The following TET2 variants were observed in gnomAD, a reference collection of about 807,000 sequenced individuals.
TET2 encodes the protein methylcytosine dioxygenase TET2.
TET2 carries 299 observed loss-of-function variants against 142.9 expected under a neutral mutation model. The observed-to-expected ratio is 2.09, with a 90% confidence interval of 1.90 to 2.30. TET2 has a LOEUF of 2.30. Among genes scored for constraint, TET2 ranks in the 30% most tolerant of loss-of-function variants. The pLI is 0.00. For missense variants in TET2, 2,418 were observed against 2,378.0 expected (o/e 1.02, Z -0.35); for synonymous variants, 819 against 849.0 (o/e 0.96, Z 0.61).
intron 2 of TET2, among the ~76,000 whole-genome samples, chr4:105,210,257 C>T (rs1479055717): frequency 6.6e-6 from 1 of 152,098 alleles, no homozygotes; most frequent in Non-Finnish European, 1.5e-5. Context: ...TACTTGAGTT[C>T]ATGGGAATAA....
intron 2 of TET2, among the ~76,000 whole-genome samples, chr4:105,204,260 CACACACACATACAT>C (rs1463055548): frequency 1.3e-4 from 19 of 143,258 alleles, no homozygotes; most frequent in Middle Eastern, 3.3e-3. Flanking sequence ...CACACACACA[CACACACACATACAT>C]ACATACATTA....
chr4:105,192,432 C>T (rs1011841443), intron 2 of TET2, among the ~76,000 whole-genome samples: 6 of 152,022 alleles, frequency 3.9e-5, no homozygotes, highest in African/African-American at 1.4e-4. Context: ...ATTATTTAAC[C>T]TCTGTAAGCC....
chr4:105,275,793 C>T lies in TET2; in HGVS notation c.5283C>T (p.His1761=), dbSNP rs1731188903. The T allele has an allele frequency of 3.2e-6, 5 of 1,551,702 alleles. No homozygotes were observed. Among genetic ancestry groups the T allele is most frequent in the Non-Finnish European group, 3.5e-6 (4 of 1,146,992 alleles). The part of the protein sequence containing the change: ...YKNGEHHSPS[H]IIHNYSAAPG... The stretch of plus-strand genomic sequence containing the variant: ...ATGGTGAACATCATTCACCTTCTCA[C>T]ATAATCCATAACTACAGTGCAGCTC... The change falls in exon 11 of 11, where the codon CAC becomes CAT. Residue 1761 remains histidine (H), a synonymous_variant. Coordinates refer to ENST00000380013, the MANE Select transcript of TET2 (RefSeq NM_001127208.3).
At chr4:105,232,683 G>T (rs1238676982) in intron 2 of TET2, among the ~76,000 whole-genome samples, 2 of 152,202 alleles carry the variant, frequency 1.3e-5, no homozygotes, top group Non-Finnish European at 2.9e-5. Flanking sequence ...TTTATAAGCT[G>T]TTGTTATTGT....
At chr4:105,241,978 T>TATAC in intron 4 of TET2, 1 of 1,241,148 alleles carries the variant, frequency 8.1e-7, no homozygotes. Flanking sequence ...GGTATACAAG[T>TATAC]ACTTGCCTTT....
intron 3 of TET2, chr4:105,237,722 C>T (rs373568745): frequency 1.0e-5 from 13 of 1,244,278 alleles, no homozygotes; most frequent in East Asian, 7.8e-5. Flanking sequence ...GAGAAAATAA[C>T]GACCATAGGC....
At chr4:105,183,001 GTT>G (rs1426795979) in intron 1 of TET2, among the ~76,000 whole-genome samples, 3 of 152,056 alleles carry the variant, frequency 2.0e-5, no homozygotes, top group Admixed American at 2.0e-4. Context: ...GTAAGGTAGG[GTT>G]CATGTATACC....
intron 3 of TET2, chr4:105,237,723 G>A (rs181092307): frequency 7.2e-6 from 9 of 1,245,906 alleles, no homozygotes; most frequent in East Asian, 3.9e-5. Flanking sequence ...AGAAAATAAC[G>A]ACCATAGGCA....
rs755531331 is a variant in TET2 at position 105,237,193 on chromosome 4, AAAC to A, written c.3255_3257del (p.Thr1086del). On this transcript the variant is annotated inframe_deletion, in exon 3 of 11. Coordinates refer to ENST00000380013, the MANE Select transcript of TET2 (RefSeq NM_001127208.3). Reference sequence around the variant, plus strand: ...AGCCACACCCCAGCTTTAGAGCAGCAAACAACTTCTTCAGAAAAGACACCAACC... The same window carrying A: ...AGCCACACCCCAGCTTTAGAGCAGCAAACTTCTTCAGAAAAGACACCAACC... The A allele has an allele frequency of 8.1e-6, 13 of 1,614,068 alleles. No individual in the cohort carries two copies. The highest frequency in any genetic ancestry group is 1.7e-5 in the Admixed American group (1 of 59,998).
In TET2 at chr4:105,234,712, CTAA is replaced by C; in HGVS notation, c.772_774del (p.Asn258del). On this transcript the variant is annotated inframe_deletion, in exon 3 of 11. Coordinates refer to ENST00000380013, the MANE Select transcript of TET2 (RefSeq NM_001127208.3). ...ATAAATGCCATTAACAGTCAGGCTA[CTAA>C]TGAGTTGTCCTGTGAGATCACTCAC... The C allele has an allele frequency of 6.2e-7, 1 of 1,614,088 alleles. No individual in the cohort carries two copies. Among genetic ancestry groups the C allele is most frequent in the Non-Finnish European group, 8.5e-7 (1 of 1,180,022 alleles).
intron 8 of TET2, among the ~76,000 whole-genome samples, chr4:105,263,960 G>A (rs554862744): frequency 6.6e-6 from 1 of 152,272 alleles, no homozygotes; most frequent in African/African-American, 2.4e-5. Flanking sequence ...GGGGCTCTGG[G>A]ATGGGTGCTC....
At chr4:105,248,097 CATCTT>C (rs1276109737) in intron 6 of TET2, among the ~76,000 whole-genome samples, 1 of 152,128 alleles carries the variant, frequency 6.6e-6, no homozygotes, top group Admixed American at 6.6e-5. Flanking sequence ...GTGCTAAAAT[CATCTT>C]ATTTATATAC....
intron 1 of TET2, among the ~76,000 whole-genome samples, chr4:105,156,415 A>T (rs1187334838): frequency 6.6e-6 from 1 of 152,198 alleles, no homozygotes; most frequent in Non-Finnish European, 1.5e-5. Context: ...GCTACTTTTA[A>T]CATTTTGAGA....
At chr4:105,187,842 A>G (rs978709380) in intron 1 of TET2, among the ~76,000 whole-genome samples, 3 of 152,218 alleles carry the variant, frequency 2.0e-5, no homozygotes, top group Non-Finnish European at 2.9e-5. Context: ...TATAATTTTT[A>G]AAACATACAA....
intron 8 of TET2, among the ~76,000 whole-genome samples, chr4:105,262,574 C>G (rs1379549982): frequency 1.3e-5 from 2 of 152,042 alleles, no homozygotes; most frequent in African/African-American, 2.4e-5. Flanking sequence ...AGTGCCATCT[C>G]TGTCTGTCTT....
intron 2 of TET2, among the ~76,000 whole-genome samples, chr4:105,218,229 A>G (rs1248468684): frequency 6.6e-6 from 1 of 152,064 alleles, no homozygotes; most frequent in Non-Finnish European, 1.5e-5. Context: ...ATCCTGCCCC[A>G]TAGAAGAATT....
chr4:105,182,498 A>G (rs920234886), intron 1 of TET2, among the ~76,000 whole-genome samples: 1 of 152,228 alleles, frequency 6.6e-6, no homozygotes, highest in Non-Finnish European at 1.5e-5. Context: ...TTACTAAACT[A>G]CTTTTAAGAT....
intron 2 of TET2, among the ~76,000 whole-genome samples, chr4:105,220,810 C>T (rs1204201384): frequency 2.6e-5 from 4 of 152,154 alleles, no homozygotes; most frequent in African/African-American, 9.7e-5. Context: ...GTCCTTATTT[C>T]TTCTATCACC....
chr4:105,217,470 C>T (rs1426217813), intron 2 of TET2, among the ~76,000 whole-genome samples: 1 of 151,926 alleles, frequency 6.6e-6, no homozygotes, highest in Non-Finnish European at 1.5e-5. Flanking sequence ...CATAAGATAT[C>T]ATATACTACA....
Sources: allele counts gnomAD v4.1 joint callset (sites outside exome capture counted in the v4.1 genomes callset), GRCh38; gene constraint gnomAD v4.1.1; transcripts MANE v1.5; gene names NCBI Gene and HGNC (gene_info 2026-07-23, HGNC 2026-07-21).